LGI1: variants seen among roughly 807,000 people sequenced by gnomAD.
LGI1 encodes the protein leucine-rich glioma-inactivated protein 1.
LGI1 carries 11 observed loss-of-function variants against 57.7 expected under a neutral mutation model. The ratio of observed to expected loss-of-function variants is 0.19; its 90% confidence interval spans 0.12 to 0.32. The LOEUF (loss-of-function observed/expected upper bound fraction) is 0.32. LGI1 is among the 10% of genes least tolerant of loss of function. The pLI, the probability that LGI1 is intolerant of heterozygous loss-of-function variation, is 1.00. For missense variants in LGI1, 422 were observed against 661.9 expected, an observed-to-expected ratio of 0.64 and a Z score of 3.98; for synonymous variants, 222 against 241.9, an observed-to-expected ratio of 0.92 and a Z score of 0.76.
chr10:93,796,340 A>G (rs764038820), intron 7 of LGI1, among the ~76,000 whole-genome samples: 14 of 152,170 alleles, frequency 9.2e-5, no homozygotes, highest in Non-Finnish European at 1.9e-4. Flanking sequence ...GCCATGGGCT[A>G]CCCAGACCAC....
chr10:93,796,838 T>C, intron 7 of LGI1, 130 bp from the exon 8 acceptor site: 1 of 769,100 alleles, frequency 1.3e-6, no homozygotes, highest in Non-Finnish European at 2.2e-6. Context: ...AGACCAGCCT[T>C]GCCTAATCAA....
intron 2 of LGI1, chr10:93,768,271 C>T (rs2059699589): frequency 6.6e-6 from 1 of 152,220 alleles, no homozygotes. Flanking sequence ...CTGGCTTCCT[C>T]ATGGCCACTC....
intron 4 of LGI1, among the ~76,000 whole-genome samples, chr10:93,787,932 C>G (rs966776684): frequency 6.6e-6 from 1 of 151,948 alleles, no homozygotes; most frequent in Non-Finnish European, 1.5e-5. Flanking sequence ...AAAAGAATTC[C>G]CCTTGGACAG....
rs796052698 is a variant in LGI1, at chr10:93,797,127, A to G, written c.998A>G (p.Asn333Ser). The change falls in exon 8 of 8, where the codon AAT becomes AGT. Residue 333 changes from asparagine to serine, a missense_variant. This residue lies in a region of LGI1 where 301 missense variants were observed against 461.7 expected (regional missense o/e 0.65). Transcript: ENST00000371418. The surrounding 1 kb of genome is among the most constrained non-coding windows in gnomAD (Gnocchi z 6.5). ...GAAATTCTCAAAATCCGAAAACCCA[A>G]TGACATTGAAACATTCAAGATTGAA... Reference protein sequence around the residue: ...DIEILKIRKPNDIETFKIENN... With the variant: ...DIEILKIRKPSDIETFKIENN... The G allele has an allele frequency of 3.7e-6, 6 of 1,613,994 alleles. No homozygotes were observed. The highest frequency in any genetic ancestry group is 4.5e-5 in the East Asian group (2 of 44,894).
intron 2 of LGI1, chr10:93,767,484 T>C (rs1164594613): frequency 1.3e-5 from 2 of 152,158 alleles, no homozygotes; most frequent in Non-Finnish European, 2.9e-5. Flanking sequence ...TAACATCCCA[T>C]AGAATATTGG....
chr10:93,792,644 G>A (rs1454474926), intron 5 of LGI1, 99 bp from the exon 6 acceptor site: 7 of 1,262,634 alleles, frequency 5.5e-6, no homozygotes, highest in Admixed American at 1.7e-5. Flanking sequence ...ATGCAACGCC[G>A]GGTAAGGTCA....
At chr10:93,765,889 G>A (rs552598826) in intron 2 of LGI1, among the ~76,000 whole-genome samples, 278 of 148,648 alleles carry the variant, frequency 1.9e-3, no homozygotes, top group Non-Finnish European at 3.0e-3. Context: ...AGAATGGCGT[G>A]AACCCAGGAG....
intron 2 of LGI1, among the ~76,000 whole-genome samples, chr10:93,774,030 C>T (rs763531675): frequency 2.6e-5 from 4 of 152,106 alleles, no homozygotes; most frequent in Non-Finnish European, 5.9e-5. Context: ...ACTTCCAACT[C>T]ATATTATTGC....
chr10:93,779,185 T>C (rs1198502924), intron 4 of LGI1, among the ~76,000 whole-genome samples: 1 of 151,948 alleles, frequency 6.6e-6, no homozygotes, highest in Non-Finnish European at 1.5e-5. Context: ...ATTCATGACC[T>C]CAACTTGAAA....
chr10:93,786,655 G>GGTATGATCATGGCTCACTGCAACA (rs552206079), intron 4 of LGI1, among the ~76,000 whole-genome samples: 431 of 19,662 alleles, frequency 0.022, 114 homozygotes, highest in Admixed American at 0.14. Flanking sequence ...GGAGTGCAGT[G>GGTATGATCATGGCTCACTGCAACA]GTATGATCAT....
intron 2 of LGI1, among the ~76,000 whole-genome samples, chr10:93,759,597 G>A (rs115343738): frequency 2.6e-5 from 4 of 152,142 alleles, no homozygotes; most frequent in Admixed American, 6.5e-5. Context: ...TATCACATGG[G>A]GGTCAAGAGG....
At chr10:93,784,472 C>T (rs2059879487) in intron 4 of LGI1, among the ~76,000 whole-genome samples, 1 of 152,174 alleles carries the variant, frequency 6.6e-6, no homozygotes, top group Non-Finnish European at 1.5e-5. Context: ...AGCCTGAGCT[C>T]AAACTCAGAT....
intron 5 of LGI1, chr10:93,790,838 C>G (rs1019426127): frequency 6.6e-6 from 1 of 152,276 alleles, no homozygotes; most frequent in African/African-American, 2.4e-5. Flanking sequence ...TAATATATGC[C>G]TAAACTTCTC....
chr10:93,780,595 C>G (rs1321743738), intron 4 of LGI1, among the ~76,000 whole-genome samples: 1 of 152,194 alleles, frequency 6.6e-6, no homozygotes, highest in African/African-American at 2.4e-5. Flanking sequence ...GTGAAAGAGA[C>G]AGGGCAGTAG....
intron 2 of LGI1, chr10:93,764,659 A>T (rs924652820): frequency 1.3e-5 from 2 of 152,230 alleles, no homozygotes; most frequent in Non-Finnish European, 2.9e-5. Flanking sequence ...GGCAAGCTTA[A>T]TCAAGTCTTG....
chr10:93,793,061 G>T, intron 6 of LGI1, 125 bp from the exon 7 acceptor site: 1 of 1,121,340 alleles, frequency 8.9e-7, no homozygotes, highest in Non-Finnish European at 1.3e-6. Context: ...AATGCTTCAT[G>T]TGTTTAAAAG....
At chr10:93,796,125 C>T (rs2059977511) in intron 7 of LGI1, among the ~76,000 whole-genome samples, 1 of 152,240 alleles carries the variant, frequency 6.6e-6, no homozygotes, top group Non-Finnish European at 1.5e-5. Context: ...CTGTGATTTT[C>T]CAAAATAACT....
At chr10:93,789,169 A>C (rs1310520484) in intron 4 of LGI1, 2 of 71,632 alleles carry the variant, frequency 2.8e-5, no homozygotes, top group Non-Finnish European at 8.5e-5. Context: ...AGGGAAAAAC[A>C]TTCCTGTGAT....
intron 2 of LGI1, chr10:93,767,519 G>A (rs1043795329): frequency 2.6e-5 from 4 of 152,156 alleles, no homozygotes; most frequent in African/African-American, 9.7e-5. Flanking sequence ...CAGTACTTTG[G>A]AAATATATGC....
Sources: allele counts gnomAD v4.1 joint callset (sites outside exome capture counted in the v4.1 genomes callset), GRCh38; gene constraint gnomAD v4.1.1; regional missense constraint gnomAD v4.1.1; non-coding constraint Gnocchi (gnomAD v3.1); transcripts MANE v1.5; gene names NCBI Gene and HGNC (gene_info 2026-07-23, HGNC 2026-07-21).